Variants in DGKG observed in about 807,000 individuals in gnomAD.
DGKG encodes diacylglycerol kinase gamma, also known as DAG kinase gamma.
In DGKG, 78 loss-of-function variants were observed where a neutral mutation model predicts 105.3. That is an observed-to-expected ratio of 0.74 (90% confidence interval 0.62 to 0.89). The LOEUF (loss-of-function observed/expected upper bound fraction) is 0.89. Among genes scored for constraint, DGKG ranks in the 40% least tolerant of loss-of-function variants. DGKG has a pLI of 0.00. For missense variants in DGKG, 958 were observed against 1,020.1 expected (o/e 0.94, Z 0.83); for synonymous variants, 346 against 367.1 (o/e 0.94, Z 0.66).
chr3:186,295,638 T>TAAAAAAAAAAAA (rs34829528), intron 5 of DGKG, among the ~76,000 whole-genome samples: 2 of 84,500 alleles, frequency 2.4e-5, no homozygotes, highest in East Asian at 3.6e-4. Flanking sequence ...TAATGCACAG[T>TAAAAAAAAAAAA]AAAAAAAAAA....
intron 21 of DGKG, among the ~76,000 whole-genome samples, chr3:186,202,775 C>T (rs1718535236): frequency 6.6e-6 from 1 of 152,194 alleles, no homozygotes; most frequent in African/African-American, 2.4e-5. Context: ...ACTTGACCCC[C>T]AACTTTGGTC....
In DGKG at chr3:186,161,623, A is replaced by G. The variant is rs758548727; in HGVS notation, c.2257T>C (p.Trp753Arg). 15 of 1,614,216 alleles carry G rather than the reference A, an allele frequency of 9.3e-6. No homozygotes were observed. Among genetic ancestry groups the G allele is most frequent in the Non-Finnish European group, 1.2e-5 (14 of 1,180,032 alleles). ...LLPMQVDGEP[W>R]MQPCCTIKIT... is the part of the protein sequence containing the mutation. Reference sequence around the variant, plus strand: ...CTCACCGTGCAACATGGCTGCATCCAGGGTTCTCCATCCACTTGCATTGGC... The same window carrying G: ...CTCACCGTGCAACATGGCTGCATCCGGGGTTCTCCATCCACTTGCATTGGC... Residue 753 changes from tryptophan (W) to arginine (R), a missense_variant, in exon 24 of 25, where the codon TGG becomes CGG. Trp to Arg is a moderately radical substitution (Grantham distance 101). Around this residue, in one of 2 missense-constraint regions of DGKG, gnomAD observed 315 missense variants for 400.6 expected, o/e 0.79. Coordinates refer to ENST00000265022, the MANE Select transcript of DGKG (RefSeq NM_001346.3).
Position 186,298,218 on chromosome 3 carries a change from A to G in DGKG, c.156T>C (p.Tyr52=), listed in dbSNP as rs746715995. The G allele has an allele frequency of 1.9e-6, 3 of 1,600,470 alleles. No homozygotes were observed. Among genetic ancestry groups the G allele is most frequent in the Non-Finnish European group, 2.6e-6 (3 of 1,173,660 alleles). ...CCCTCATGAACAGCTTGAAGACATCATAGCTAATCGGCTGAGAAGGGGCAA... is the reference window on the plus strand; with the variant it reads ...CCCTCATGAACAGCTTGAAGACATCGTAGCTAATCGGCTGAGAAGGGGCAA... The part of the protein sequence containing the change: ...KQYDPHEPIS[Y]DVFKLFMRAY... Residue 52 remains tyrosine (Y), a synonymous_variant, in exon 4 of 25, where the codon TAT becomes TAC. Transcript: ENST00000265022.
chr3:186,326,044 T>C (rs982299649), intron 1 of DGKG, among the ~76,000 whole-genome samples: 1 of 152,128 alleles, frequency 6.6e-6, no homozygotes, highest in Non-Finnish European at 1.5e-5. Flanking sequence ...CCACGTATGC[T>C]CACTGCTGCT....
intron 2 of DGKG, 71 bp from the exon 3 acceptor site, chr3:186,307,048 C>G (rs1430217038): frequency 9.5e-7 from 1 of 1,048,408 alleles, no homozygotes; most frequent in Admixed American, 1.7e-5. Flanking sequence ...TAAATTCTCC[C>G]TGTGTAACCA....
intron 21 of DGKG, among the ~76,000 whole-genome samples, chr3:186,205,479 G>A (rs1718684406): frequency 1.3e-5 from 2 of 152,144 alleles, no homozygotes; most frequent in Non-Finnish European, 2.9e-5. Flanking sequence ...GGAGGCCAAG[G>A]TGGGTGGGTC....
chr3:186,196,140 T>G (rs1340663981), intron 21 of DGKG, among the ~76,000 whole-genome samples: 2 of 145,900 alleles, frequency 1.4e-5, no homozygotes, highest in African/African-American at 2.5e-5. Flanking sequence ...TTTCTTTCTT[T>G]TTTTTTTTTT....
chr3:186,259,775 G>GT (rs1721667793), intron 16 of DGKG, among the ~76,000 whole-genome samples: 1 of 152,052 alleles, frequency 6.6e-6, no homozygotes, highest in Non-Finnish European at 1.5e-5. Flanking sequence ...TCTAGCCCAG[G>GT]TGCTGTAGGG....
intron 23 of DGKG, among the ~76,000 whole-genome samples, chr3:186,164,549 A>G (rs938746337): frequency 2.0e-5 from 3 of 152,206 alleles, no homozygotes; most frequent in African/African-American, 7.2e-5. Flanking sequence ...GCCCTCTGGC[A>G]TCCCTCTGCC....
intron 1 of DGKG, among the ~76,000 whole-genome samples, chr3:186,339,955 T>A (rs143868290): frequency 6.6e-6 from 1 of 152,330 alleles, no homozygotes; most frequent in Non-Finnish European, 1.5e-5. Flanking sequence ...AATAGTGGTA[T>A]CACCTTACAC....
At chr3:186,265,351 C>T (rs747388125) in intron 13 of DGKG, 45 bp from the exon 14 acceptor site, 1 of 1,559,732 alleles carries the variant, frequency 6.4e-7, no homozygotes, top group Non-Finnish European at 8.8e-7. Context: ...AAAAAGAAGC[C>T]TAACACAAAG....
rs1011382181 is a variant in DGKG at position 186,149,136 on chromosome 3, T to G, written c.*954A>C. On this transcript the variant is annotated 3_prime_UTR_variant, in exon 25 of 25. Transcript: ENST00000265022. ...TCCTGGTTTCCCCAGCAAAGTTCCT[T>G]CCTTCCCATCTTTTCTGCCTTCAGG... The G allele has an allele frequency of 1.0e-6, 1 of 984,958 alleles. No homozygotes were observed. The highest frequency in any genetic ancestry group is 1.8e-5 in the African/African-American group (1 of 57,048). The allele number at this position is 984,958 out of a possible 1,614,324, so 61.0% of individuals were successfully genotyped here. A position where few individuals can be genotyped will look rare whatever the true frequency, so the allele number is the denominator to read the frequency against.
At chr3:186,346,213 A>G (rs147602314) in intron 1 of DGKG, among the ~76,000 whole-genome samples, 10 of 152,316 alleles carry the variant, frequency 6.6e-5, no homozygotes, top group African/African-American at 2.4e-4. Flanking sequence ...CATTAATTGC[A>G]GCTAGTGAAT....
chr3:186,328,377 G>A (rs1386952335), intron 1 of DGKG, among the ~76,000 whole-genome samples: 3 of 152,118 alleles, frequency 2.0e-5, no homozygotes, highest in Non-Finnish European at 4.4e-5. Flanking sequence ...AGAGATTTAT[G>A]GGGTCATCTA....
Position 186,320,596 on chromosome 3 carries a change from G to C in DGKG, c.-137C>G. The C allele has an allele frequency of 6.8e-7, 1 of 1,460,830 alleles. No homozygotes were observed. 90.5% of individuals were successfully genotyped at this position (1,460,830 alleles called of 1,614,324 possible). A position where few individuals can be genotyped will look rare whatever the true frequency, so the allele number is the denominator to read the frequency against. On this transcript the variant is annotated 5_prime_UTR_variant, in exon 2 of 25. Coordinates refer to ENST00000265022, the MANE Select transcript of DGKG (RefSeq NM_001346.3). ...TCAGGAGACTTCTGGGAGCACTCAA[G>C]TGTATACAGCAGCAGCAGGCACCTC...
chr3:186,297,455 G>A lies in DGKG; in HGVS notation c.339C>T (p.Ala113=). The A allele has an allele frequency of 1.9e-6, 3 of 1,612,666 alleles. No individual in the cohort carries two copies. The highest frequency in any genetic ancestry group is 2.5e-6 in the Non-Finnish European group (3 of 1,178,698). ...GGGCACAGGCCTCGTCTGCTTTGGT[G>A]GCATTATCTGCATTCTGTATATTAG... ...ADTNIQNADN[A]TKADEACAPD... is the part of the protein sequence containing the mutation. The change falls in exon 5 of 25, where the codon GCC becomes GCT. Residue 113 remains alanine (A), a synonymous_variant. Transcript: ENST00000265022.
intron 3 of DGKG, among the ~76,000 whole-genome samples, chr3:186,299,830 T>TTTC (rs1560142005): frequency 8.0e-6 from 1 of 124,272 alleles, no homozygotes; most frequent in African/African-American, 3.1e-5. Context: ...TCTTTCTTTC[T>TTTC]TTCTTTCTTT....
At chr3:186,282,938 C>T (rs866989866) in intron 7 of DGKG, among the ~76,000 whole-genome samples, 2 of 148,716 alleles carry the variant, frequency 1.3e-5, no homozygotes, top group African/African-American at 5.0e-5. Context: ...GAGACGGAGT[C>T]TCCCTCTGTC....
intron 20 of DGKG, among the ~76,000 whole-genome samples, chr3:186,220,582 T>C (rs1470313085): frequency 6.6e-6 from 1 of 152,226 alleles, no homozygotes; most frequent in Non-Finnish European, 1.5e-5. Flanking sequence ...TTCTCATTCA[T>C]GCCTGTGAGC....
Sources: allele counts gnomAD v4.1 joint callset (sites outside exome capture counted in the v4.1 genomes callset), GRCh38; gene constraint gnomAD v4.1.1; regional missense constraint gnomAD v4.1.1; transcripts MANE v1.5; gene names NCBI Gene and HGNC (gene_info 2026-07-23, HGNC 2026-07-21).